The following SLC6A20 variants were observed in gnomAD, a reference collection of about 807,000 sequenced individuals.
SLC6A20 encodes solute carrier family 6 member 20.
A neutral mutation model predicts 64.3 loss-of-function variants in SLC6A20; 73 were observed. The observed-to-expected ratio is 1.14, with a 90% confidence interval of 0.94 to 1.38. The LOEUF is 1.38. Ranked by LOEUF, SLC6A20 falls within the 40% of genes most tolerant of loss-of-function variation. The pLI is 0.00. For missense variants in SLC6A20, 725 were observed against 772.8 expected (o/e 0.94, Z 0.73); for synonymous variants, 347 against 329.6 (o/e 1.05, Z -0.57).
chr3:45,759,186 C>G (rs1699615780), intron 10 of SLC6A20, 59 bp from the exon 11 acceptor site: 6 of 1,519,134 alleles, frequency 3.9e-6, no homozygotes, highest in South Asian at 1.3e-5. Flanking sequence ...CCCTGGGCCT[C>G]AGGGCCCATC....
intron 3 of SLC6A20, among the ~76,000 whole-genome samples, chr3:45,777,685 C>T (rs1317561337): frequency 6.6e-6 from 1 of 152,154 alleles, no homozygotes; most frequent in East Asian, 1.9e-4. Context: ...CCAGTGGCAG[C>T]CAGCACCAAG....
In SLC6A20 at chr3:45,765,438, C is replaced by T. The variant is rs887405729; in HGVS notation, c.1303+99G>A. The T allele has an allele frequency of 7.9e-6, 11 of 1,386,844 alleles. No individual in the cohort carries two copies. The highest frequency in any genetic ancestry group is 5.0e-4 in the Middle Eastern group (2 of 3,986). The allele number at this position is 1,386,844 out of a possible 1,614,324, so 85.9% of individuals were successfully genotyped here. ...AGGTGGCTGCAACCCCCTGTAGCCA[C>T]CTGAACCAGCCCATGACCCCTGAGG... On this transcript the variant is annotated intron_variant, in intron 8 of 10. Transcript: ENST00000358525. The surrounding 1 kb of genome is among the most constrained non-coding windows in gnomAD (Gnocchi z 4.2).
Position 45,758,565 on chromosome 3 carries a change from A to G in SLC6A20, c.*413T>C. ...AATAGGTCATCTTAGGCACTTCAAA[A>G]CTCCTTAAATGGATCTAAAAATATT... On this transcript the variant is annotated 3_prime_UTR_variant, in exon 11 of 11. Coordinates refer to ENST00000358525, the MANE Select transcript of SLC6A20 (RefSeq NM_020208.4). The G allele has an allele frequency of 8.9e-7, 1 of 1,129,028 alleles. No homozygotes were observed. Among genetic ancestry groups the G allele is most frequent in the Non-Finnish European group, 1.1e-6 (1 of 911,576 alleles). The allele number at this position is 1,129,028 out of a possible 1,614,324, so 69.9% of individuals were successfully genotyped here.
At chr3:45,774,752 G>A (rs1361602310) in intron 4 of SLC6A20, among the ~76,000 whole-genome samples, 2 of 152,132 alleles carry the variant, frequency 1.3e-5, no homozygotes, top group African/African-American at 2.4e-5. Context: ...ACTCTCAGCA[G>A]GTGACAGTTG....
intron 3 of SLC6A20, 71 bp downstream of exon 3, chr3:45,779,938 G>A (rs1273758356): frequency 2.7e-6 from 4 of 1,484,052 alleles, no homozygotes; most frequent in East Asian, 2.5e-5. Flanking sequence ...CCCCTTCCCC[G>A]AGCGGGTGGC....
chr3:45,763,603 G>A (rs570899456), intron 8 of SLC6A20, among the ~76,000 whole-genome samples: 9 of 152,284 alleles, frequency 5.9e-5, no homozygotes, highest in East Asian at 1.9e-4. Context: ...CTTGCAATGC[G>A]TTGGACCCTT....
intron 6 of SLC6A20, 37 bp downstream of exon 6, chr3:45,771,180 G>A: frequency 6.2e-7 from 1 of 1,613,348 alleles, no homozygotes; most frequent in Non-Finnish European, 8.5e-7. Context: ...TCAGAGCTCA[G>A]GGAGGCCTGG....
In SLC6A20 at chr3:45,759,840, A is replaced by C; in HGVS notation, c.1629+17T>G. The C allele has an allele frequency of 3.7e-6, 6 of 1,606,180 alleles. No individual in the cohort carries two copies. The highest frequency in any genetic ancestry group is 5.1e-6 in the Non-Finnish European group (6 of 1,176,838). ...GCCATGGGGGCCCAGCGCCAGCCCT[A>C]CGGAGACAGTAGATACCTGGGAGGC... is the stretch of plus-strand genomic sequence containing the variant. On this transcript the variant is annotated intron_variant, in intron 10 of 10. Transcript: ENST00000358525.
In SLC6A20 at chr3:45,755,982, T is replaced by C. The variant is rs1389979431; in HGVS notation, c.*2996A>G. ...TCCTCAATGTACCACCCATGTTCTTTCTTTTTTAAATGGGGCCTCTCAGAT... is the reference window on the plus strand; with the variant it reads ...TCCTCAATGTACCACCCATGTTCTTCCTTTTTTAAATGGGGCCTCTCAGAT... On this transcript the variant is annotated 3_prime_UTR_variant, in exon 11 of 11. Transcript: ENST00000358525. 6.6e-6 allele frequency: 1 copy of C among 152,250 alleles called. No individual in the cohort carries two copies. The highest frequency in any genetic ancestry group is 2.4e-5 in the African/African-American group (1 of 41,464). The allele number at this position is 152,250 out of a possible 1,614,324, so 9.4% of individuals were successfully genotyped here.
intron 9 of SLC6A20, among the ~76,000 whole-genome samples, chr3:45,761,528 T>C (rs1699682442): frequency 6.6e-6 from 1 of 152,102 alleles, no homozygotes; most frequent in African/African-American, 2.4e-5. Context: ...ACACTCACCC[T>C]CTCAGTGACC....
chr3:45,777,002 G>C (rs1233988438), intron 3 of SLC6A20, among the ~76,000 whole-genome samples: 2 of 152,188 alleles, frequency 1.3e-5, no homozygotes, highest in East Asian at 1.9e-4. Context: ...AGATGGGAGG[G>C]AGGGGAGGAA....
rs1344146217 is a variant in SLC6A20 at position 45,765,840 on chromosome 3, A to G, written c.1099-99T>C. Reference sequence around the variant, plus strand: ...AACATGGGGGACCTTGGAAGTGGCCATGAGAAGCCACATTGTGAGGTTGGA... The same window carrying G: ...AACATGGGGGACCTTGGAAGTGGCCGTGAGAAGCCACATTGTGAGGTTGGA... On this transcript the variant is annotated intron_variant, in intron 7 of 10. Transcript: ENST00000358525. This position sits in a 1 kb window ranked among gnomAD's most constrained non-coding sequence, Gnocchi z 4.2. The G allele has an allele frequency of 7.8e-7, 1 of 1,280,950 alleles. No individual in the cohort carries two copies. The highest frequency in any genetic ancestry group is 1.1e-6 in the Non-Finnish European group (1 of 908,426). 79.3% of individuals were successfully genotyped at this position (1,280,950 alleles called of 1,614,324 possible).
chr3:45,796,503 C>G lies in SLC6A20; in HGVS notation c.-84G>C. 7.0e-7 allele frequency: 1 copy of G among 1,428,244 alleles called. No individual in the cohort carries two copies. The highest frequency in any genetic ancestry group is 9.2e-7 in the Non-Finnish European group (1 of 1,081,088). The allele number at this position is 1,428,244 out of a possible 1,614,324, so 88.5% of individuals were successfully genotyped here. A position where few individuals can be genotyped will look rare whatever the true frequency, so the allele number is the denominator to read the frequency against. On this transcript the variant is annotated 5_prime_UTR_variant, in exon 1 of 11. Coordinates refer to ENST00000358525, the MANE Select transcript of SLC6A20 (RefSeq NM_020208.4). ...CGCGGTCGCCAGGCGCGCCGTCCCA[C>G]CCCGGCTCGGCTTGGGGGTGGCCCC...
At chr3:45,775,046 G>T (rs1014476185) in intron 4 of SLC6A20, among the ~76,000 whole-genome samples, 1 of 152,182 alleles carries the variant, frequency 6.6e-6, no homozygotes, top group Non-Finnish European at 1.5e-5. Context: ...GAAGCTTCAG[G>T]CAGGTGGCGG....
intron 3 of SLC6A20, among the ~76,000 whole-genome samples, chr3:45,778,852 T>C (rs1700020731): frequency 6.6e-6 from 1 of 152,128 alleles, no homozygotes; most frequent in Non-Finnish European, 1.5e-5. Flanking sequence ...CATGAAACTC[T>C]AGGTTGAACC....
At chr3:45,795,462 T>C (rs574783742) in intron 1 of SLC6A20, among the ~76,000 whole-genome samples, 1 of 152,356 alleles carries the variant, frequency 6.6e-6, no homozygotes, top group East Asian at 1.9e-4. Flanking sequence ...TATTAAATGA[T>C]GGTGACCATC....
chr3:45,792,256 G>A (rs1318648428), intron 1 of SLC6A20, among the ~76,000 whole-genome samples: 1 of 152,192 alleles, frequency 6.6e-6, no homozygotes, highest in Non-Finnish European at 1.5e-5. Context: ...CACCTGAGGA[G>A]TCCTGTCCTG....
chr3:45,769,911 T>A (rs541288227), intron 7 of SLC6A20, among the ~76,000 whole-genome samples: 2 of 152,146 alleles, frequency 1.3e-5, no homozygotes, highest in Non-Finnish European at 2.9e-5. Context: ...TTCTGAGTGG[T>A]ATATATGGGT....
Position 45,758,611 on chromosome 3 carries a change from T to A in SLC6A20, c.*367A>T. Reference sequence around the variant, plus strand: ...ATATTTGTCCTCTAATATTTTGGTGTCTCTTCAGCCAAAAACAAAAATTGC... The same window carrying A: ...ATATTTGTCCTCTAATATTTTGGTGACTCTTCAGCCAAAAACAAAAATTGC... On this transcript the variant is annotated 3_prime_UTR_variant, in exon 11 of 11. Coordinates refer to ENST00000358525, the MANE Select transcript of SLC6A20 (RefSeq NM_020208.4). 1 of 1,110,564 alleles carries A rather than the reference T, an allele frequency of 9.0e-7. No individual in the cohort carries two copies. The highest frequency in any genetic ancestry group is 2.2e-5 in the South Asian group (1 of 44,746). 68.8% of individuals were successfully genotyped at this position (1,110,564 alleles called of 1,614,324 possible).
Sources: allele counts gnomAD v4.1 joint callset (sites outside exome capture counted in the v4.1 genomes callset), GRCh38; gene constraint gnomAD v4.1.1; non-coding constraint Gnocchi (gnomAD v3.1); transcripts MANE v1.5; gene names NCBI Gene and HGNC (gene_info 2026-07-23, HGNC 2026-07-21).